Variants in ZBTB20 observed in about 807,000 individuals in gnomAD.
ZBTB20 encodes the protein zinc finger and BTB domain-containing protein 20.
ZBTB20 carries 9 observed loss-of-function variants against 56.9 expected under a neutral mutation model. That is an observed-to-expected ratio of 0.16 (90% CI 0.10 to 0.28). ZBTB20 has a LOEUF of 0.28. Among genes scored for constraint, ZBTB20 ranks in the 10% least tolerant of loss-of-function variants. The probability of loss-of-function intolerance (pLI) is 1.00; values close to 1 mark genes in which losing one functional copy is unlikely to be tolerated. For synonymous variants in ZBTB20, 417 were observed against 420.7 expected (o/e 0.99, Z 0.11); for missense variants, 655 against 1,003.0 (o/e 0.65, Z 4.69).
intron 6 of ZBTB20, among the ~76,000 whole-genome samples, chr3:114,581,187 T>A (rs2054603629): frequency 6.6e-6 from 1 of 151,994 alleles, no homozygotes; most frequent in African/African-American, 2.4e-5. Flanking sequence ...ACTAATTTTT[T>A]AAATAATGCT....
intron 5 of ZBTB20, among the ~76,000 whole-genome samples, chr3:114,714,518 T>C (rs1287217009): frequency 1.3e-5 from 2 of 151,378 alleles, no homozygotes; most frequent in East Asian, 3.9e-4. Context: ...CCTTTTATAG[T>C]CTTCTCTCAC....
chr3:114,657,057 A>G (rs1390860459), intron 6 of ZBTB20, among the ~76,000 whole-genome samples: 1 of 152,260 alleles, frequency 6.6e-6, no homozygotes, highest in African/African-American at 2.4e-5. Context: ...AAAAAAAATT[A>G]CATGTCACAT....
intron 6 of ZBTB20, among the ~76,000 whole-genome samples, chr3:114,691,796 G>C (rs1275928097): frequency 6.6e-6 from 1 of 151,934 alleles, no homozygotes; most frequent in South Asian, 2.1e-4. Context: ...TTAAATTATA[G>C]AAATAATTAC....
chr3:115,094,339 A>G (rs2083302687), intron 1 of ZBTB20, among the ~76,000 whole-genome samples: 1 of 152,068 alleles, frequency 6.6e-6, no homozygotes, highest in East Asian at 1.9e-4. Context: ...CAAAAAATTT[A>G]TAAAGTCACC....
intron 6 of ZBTB20, among the ~76,000 whole-genome samples, chr3:114,594,801 T>A (rs989356757): frequency 2.0e-4 from 31 of 152,192 alleles, no homozygotes; most frequent in African/African-American, 7.5e-4. Flanking sequence ...GGTGAAGTTT[T>A]GGCCGTGTAA....
At chr3:114,424,516 G>A (rs775860875) in intron 7 of ZBTB20, among the ~76,000 whole-genome samples, 12 of 152,136 alleles carry the variant, frequency 7.9e-5, no homozygotes, top group Admixed American at 2.6e-4. Flanking sequence ...AAGTGCTGAC[G>A]TTCACTGCTT....
At chr3:114,606,304 C>T (rs532246184) in intron 6 of ZBTB20, among the ~76,000 whole-genome samples, 1 of 152,242 alleles carries the variant, frequency 6.6e-6, no homozygotes, top group Admixed American at 6.5e-5. Flanking sequence ...AAGAAAGATA[C>T]CAATCAGTTG....
At chr3:115,082,688 G>A (rs2082840127) in intron 1 of ZBTB20, among the ~76,000 whole-genome samples, 1 of 152,032 alleles carries the variant, frequency 6.6e-6, no homozygotes, top group East Asian at 1.9e-4. Flanking sequence ...AATTTAAAAT[G>A]ATAAAACCAA....
At chr3:114,701,127 AT>A (rs1466665625) in intron 5 of ZBTB20, among the ~76,000 whole-genome samples, 5 of 152,180 alleles carry the variant, frequency 3.3e-5, no homozygotes, top group African/African-American at 1.2e-4. Context: ...CAATAAAAGG[AT>A]TTCCTATTAT....
intron 7 of ZBTB20, among the ~76,000 whole-genome samples, chr3:114,490,078 C>T (rs754235303): frequency 4.6e-5 from 7 of 151,830 alleles, no homozygotes; most frequent in Non-Finnish European, 8.8e-5. Flanking sequence ...TTTTTGGAGG[C>T]TGATGGTGTA....
intron 6 of ZBTB20, among the ~76,000 whole-genome samples, chr3:114,544,402 A>T (rs566659397): frequency 6.8e-6 from 1 of 146,966 alleles, no homozygotes; most frequent in Admixed American, 6.7e-5. Context: ...TAAAAACTAG[A>T]TTTCTTCTTT....
chr3:115,018,586 G>A (rs1003646222), intron 2 of ZBTB20, among the ~76,000 whole-genome samples: 6 of 151,240 alleles, frequency 4.0e-5, no homozygotes, highest in Non-Finnish European at 8.9e-5. Context: ...ATGAAAGTAA[G>A]AATTGGACTA....
chr3:114,483,892 T>G lies in ZBTB20; in HGVS notation c.-255+16460A>C, dbSNP rs373261863. ...TTTTCAAAAATTGCAAGAGTAGTACTAAGAAGGTCCTTTGAACTAAGGTTC... is the reference window on the plus strand; with the variant it reads ...TTTTCAAAAATTGCAAGAGTAGTACGAAGAAGGTCCTTTGAACTAAGGTTC... On this transcript the variant is annotated intron_variant, in intron 7 of 11. Transcript: ENST00000675478. Among the ~76,000 whole-genome samples the G allele has an allele frequency of 5.3e-5, 8 of 152,062 alleles. No individual in the cohort carries two copies. In the East Asian group the frequency reaches 9.7e-4, roughly 18 times the overall value.
intron 6 of ZBTB20, among the ~76,000 whole-genome samples, chr3:114,550,918 T>G (rs1226572355): frequency 6.6e-6 from 1 of 151,834 alleles, no homozygotes; most frequent in Non-Finnish European, 1.5e-5. Context: ...GTCCATCTAA[T>G]TTTTGTATTT....
rs2079258521 is a variant in ZBTB20 at position 114,331,594 on chromosome 3, A to T, written c.*7411T>A. ...TACACAAACACACACATGTGCACAC[A>T]TGTCAATAAATCCAATAGAACTGTA... is the stretch of plus-strand genomic sequence containing the variant. On this transcript the variant is annotated 3_prime_UTR_variant, in exon 12 of 12. Coordinates refer to ENST00000675478, the MANE Select transcript of ZBTB20 (RefSeq NM_001348800.3). 1 of 152,200 alleles carries T rather than the reference A, an allele frequency of 6.6e-6. No homozygotes were observed. 9.4% of individuals were successfully genotyped at this position (152,200 alleles called of 1,614,324 possible). A position where few individuals can be genotyped will look rare whatever the true frequency, so the allele number is the denominator to read the frequency against.
chr3:114,665,757 A>T (rs1036385420), intron 6 of ZBTB20, among the ~76,000 whole-genome samples: 1 of 152,062 alleles, frequency 6.6e-6, no homozygotes, highest in African/African-American at 2.4e-5. Flanking sequence ...TATTATAACA[A>T]TTCATTGAAC....
At chr3:114,556,938 C>A (rs2051306761) in intron 6 of ZBTB20, among the ~76,000 whole-genome samples, 1 of 151,942 alleles carries the variant, frequency 6.6e-6, no homozygotes, top group South Asian at 2.1e-4. Context: ...AGCAAAACAA[C>A]CTTTGATGTG....
rs149543357 is a variant in ZBTB20, at chr3:114,450,396, G to T, written c.-255+49956C>A. On this transcript the variant is annotated intron_variant, in intron 7 of 11. Transcript: ENST00000675478. ...AGCTGTTTTGGAGTTTTCCGCTGAA[G>T]GAAAAAAGGCTTTTAAAATTTTTTG... Among the ~76,000 whole-genome samples the T allele has an allele frequency of 4.7e-4, 72 of 152,122 alleles. No individual in the cohort carries two copies. The East Asian group carries it at 0.012, about 24-fold the overall frequency.
At chr3:114,485,388 T>G (rs1281964938) in intron 7 of ZBTB20, among the ~76,000 whole-genome samples, 1 of 152,186 alleles carries the variant, frequency 6.6e-6, no homozygotes, top group African/African-American at 2.4e-5. Context: ...GTTTTTCTGG[T>G]GCTTTTACTT....
Sources: allele counts gnomAD v4.1 joint callset (sites outside exome capture counted in the v4.1 genomes callset), GRCh38; gene constraint gnomAD v4.1.1; transcripts MANE v1.5; gene names NCBI Gene and HGNC (gene_info 2026-07-23, HGNC 2026-07-21).